FN1: variants seen among roughly 807,000 people sequenced by gnomAD.
FN1 encodes the protein fibronectin.
FN1 carries 106 observed loss-of-function variants against 297.3 expected under a neutral mutation model. The ratio of observed to expected loss-of-function variants is 0.36; its 90% CI spans 0.30 to 0.42. The LOEUF (loss-of-function observed/expected upper bound fraction) is 0.42. FN1 is among the 10% of genes least tolerant of loss of function. The probability of loss-of-function intolerance (pLI) is 1.00; values close to 1 mark genes in which losing one functional copy is unlikely to be tolerated. For synonymous variants in FN1, 1,149 were observed against 1,152.6 expected (o/e 1.00, Z 0.06); for missense variants, 2,690 against 3,124.9 (o/e 0.86, Z 3.32).
rs1187772144 is a variant in FN1 at position 215,375,264 on chromosome 2, C to T, written c.6107G>A (p.Arg2036Lys). 1 of 1,614,182 alleles carries T rather than the reference C, an allele frequency of 6.2e-7. No individual in the cohort carries two copies. ...AGGGCGGGGCCGAGGGACCACTTCT[C>T]TGGGAGGAGACCCAGGCTTCTCATA... ...IKYEKPGSPPREVVPRPRPGV... is the reference protein window; with the variant it reads ...IKYEKPGSPPKEVVPRPRPGV... The change falls in exon 38 of 46, where the codon AGA (arginine) becomes AAA (lysine). Residue 2036 changes from arginine to lysine, a missense_variant. By Grantham distance (26) the Arg-to-Lys change is conservative. Coordinates refer to ENST00000354785, the MANE Select transcript of FN1 (RefSeq NM_212482.4).
At position 215,392,965 on chromosome 2, in the gene FN1, G is replaced by A. The variant is rs760128957; in HGVS notation, c.4035C>T (p.Gly1345=). ...DISVITLING[G]ESAPTTLTQQ... ...GTGTCAGTGTAGTAGGGGCACTCTC[G>A]CCGCCATTAATGAGAGTGATAACGC... The change falls in exon 25 of 46, where the codon GGC becomes GGT. Residue 1345 remains glycine (G), a synonymous_variant. Coordinates refer to ENST00000354785, the MANE Select transcript of FN1 (RefSeq NM_212482.4). 1.1e-5 allele frequency: 17 copies of A among 1,612,872 alleles called. No individual in the cohort carries two copies. The highest frequency in any genetic ancestry group is 4.5e-5 in the East Asian group (2 of 44,884).
chr2:215,435,971 G>C lies in FN1; in HGVS notation c.-169C>G. ...AGGGGACGGGTGGAGGGACAGAAGG[G>C]ATGCAGAGGACCAGAGAAGTTGTGG... On this transcript the variant is annotated 5_prime_UTR_variant, in exon 1 of 46. The change creates a new upstream start codon in the 5' untranslated region. Coordinates refer to ENST00000354785, the MANE Select transcript of FN1 (RefSeq NM_212482.4). The C allele has an allele frequency of 1.4e-6, 2 of 1,381,472 alleles. No individual in the cohort carries two copies. The highest frequency in any genetic ancestry group is 1.9e-6 in the Non-Finnish European group (2 of 1,051,122). 85.6% of individuals were successfully genotyped at this position (1,381,472 alleles called of 1,614,324 possible). A position where few individuals can be genotyped will look rare whatever the true frequency, so the allele number is the denominator to read the frequency against.
chr2:215,387,006 C>T (rs976413771), intron 27 of FN1, 48 bp from the exon 28 acceptor site: 2 of 1,545,468 alleles, frequency 1.3e-6, no homozygotes. Flanking sequence ...AGAAAAGACA[C>T]CACCAGTTTA....
At chr2:215,419,850 C>G (rs2063971444) in intron 11 of FN1, among the ~76,000 whole-genome samples, 1 of 152,192 alleles carries the variant, frequency 6.6e-6, no homozygotes, top group East Asian at 1.9e-4. Context: ...TGAGCAGCTT[C>G]TAAGAAAACC....
intron 5 of FN1, 81 bp downstream of exon 5, chr2:215,430,634 G>T: frequency 6.6e-7 from 1 of 1,519,740 alleles, no homozygotes; most frequent in Non-Finnish European, 9.1e-7. Flanking sequence ...TGTGTTCTGA[G>T]TAACATAGTA....
rs1253945360 is a variant in FN1 at position 215,372,339 on chromosome 2, T to C, written c.6284A>G (p.Asn2095Ser). 5.0e-6 allele frequency: 8 copies of C among 1,613,998 alleles called. No individual in the cohort carries two copies. Among genetic ancestry groups the C allele is most frequent in the Admixed American group, 1.7e-5 (1 of 59,998 alleles). Residue 2095 changes from asparagine (N) to serine (S), a missense_variant, in exon 40 of 46, where the codon AAT (asparagine) becomes AGT (serine). Around this residue, in one of 3 missense-constraint regions of FN1, gnomAD observed 1,743 missense variants for 1,945.2 expected, o/e 0.90. Transcript: ENST00000354785. ...LPQLVTLPHP[N>S]LHGPEILDVP... ...ATCCAAGATCTCTGGTCCATGAAGA[T>C]TGGGGTGTGGAAGGGTTACCAGTTG...
Position 215,364,658 on chromosome 2 carries a change from A to T in FN1, c.7251+221T>A, listed in dbSNP as rs1575169391. 6.7e-6 allele frequency: 4 copies of T among 594,444 alleles called. No homozygotes were observed. In the East Asian group the frequency reaches 1.1e-4, roughly 17 times the overall value. 36.8% of individuals were successfully genotyped at this position (594,444 alleles called of 1,614,324 possible). On this transcript the variant is annotated intron_variant, in intron 44 of 45. Coordinates refer to ENST00000354785, the MANE Select transcript of FN1 (RefSeq NM_212482.4). ...GTTTTTGGTACTCTACATGCCATTC[A>T]TTCATTCTTTCTACTAAGAGTAATA...
At chr2:215,401,198 AAAAGAAAGAAAG>A (rs1168414564) in intron 20 of FN1, among the ~76,000 whole-genome samples, 6 of 86,822 alleles carry the variant, frequency 6.9e-5, no homozygotes, top group South Asian at 4.1e-4. Context: ...AGAAAGAAAG[AAAAGAAAGAAAG>A]AAAGAAAGAA....
At chr2:215,373,883 C>A (rs1438088505) in intron 38 of FN1, among the ~76,000 whole-genome samples, 1 of 151,878 alleles carries the variant, frequency 6.6e-6, no homozygotes, top group South Asian at 2.1e-4. Context: ...GGGGTTTCAC[C>A]GTGTTAGCCA....
Position 215,428,262 on chromosome 2 carries a change from G to A in FN1, c.762C>T (p.Asn254=), listed in dbSNP as rs1321250331. The A allele has an allele frequency of 2.5e-6, 4 of 1,614,076 alleles. No homozygotes were observed. The highest frequency in any genetic ancestry group is 3.3e-5 in the Admixed American group (2 of 60,012). The change falls in exon 6 of 46, where the codon AAC becomes AAT. Residue 254 remains asparagine, a synonymous_variant. Coordinates refer to ENST00000354785, the MANE Select transcript of FN1 (RefSeq NM_212482.4). ...DTWSKKDNRG[N]LLQCICTGNG... ...TGCCTGTGCAGATGCACTGGAGCAG[G>A]TTTCCTCGATTATCCTTCTTGCTCC...
At chr2:215,419,895 G>A (rs776514565) in intron 11 of FN1, among the ~76,000 whole-genome samples, 16 of 152,234 alleles carry the variant, frequency 1.1e-4, no homozygotes, top group East Asian at 3.9e-4. Flanking sequence ...GTAATCTCAC[G>A]TCAAACAAAC....
At chr2:215,389,468 T>G (rs1168266402) in intron 26 of FN1, among the ~76,000 whole-genome samples, 1 of 152,088 alleles carries the variant, frequency 6.6e-6, no homozygotes, top group Non-Finnish European at 1.5e-5. Flanking sequence ...GATAAGTGTG[T>G]GATTTGGTGA....
intron 42 of FN1, 108 bp from the exon 43 acceptor site, chr2:215,365,738 A>G: frequency 1.1e-6 from 1 of 941,062 alleles, no homozygotes. Flanking sequence ...CATGATCTGG[A>G]AAAATAGCAA....
intron 6 of FN1, among the ~76,000 whole-genome samples, chr2:215,426,136 CTTTTT>C: frequency 8.6e-6 from 1 of 116,690 alleles, no homozygotes; most frequent in Non-Finnish European, 1.7e-5. Flanking sequence ...TTGATCTTTT[CTTTTT>C]TCTTTTTTTT....
Position 215,397,194 on chromosome 2 carries a change from C to T in FN1, c.3547G>A (p.Glu1183Lys). 6.2e-7 allele frequency: 1 copy of T among 1,613,844 alleles called. No individual in the cohort carries two copies. The highest frequency in any genetic ancestry group is 1.1e-5 in the South Asian group (1 of 91,070). ...AGCACTCCAGTGTCAGGGTTTGCCT[C>T]CAGATGCAAGTTTGTTGGTGGAGAC... ...PLSPPTNLHL[E>K]ANPDTGVLTV... is the part of the protein sequence containing the mutation. Residue 1183 changes from glutamate (E) to lysine (K), a missense_variant, in exon 23 of 46, where the codon GAG becomes AAG. Glu to Lys is a moderately conservative substitution (Grantham distance 56). Coordinates refer to ENST00000354785, the MANE Select transcript of FN1 (RefSeq NM_212482.4).
chr2:215,428,396 C>G, intron 5 of FN1, 58 bp from the exon 6 acceptor site: 1 of 1,521,246 alleles, frequency 6.6e-7, no homozygotes, highest in Non-Finnish European at 9.1e-7. Context: ...GTGGTCAATT[C>G]AAACTTAAAA....
chr2:215,426,608 C>A (rs1350993915), intron 6 of FN1, among the ~76,000 whole-genome samples: 1 of 152,088 alleles, frequency 6.6e-6, no homozygotes, highest in Non-Finnish European at 1.5e-5. Context: ...CAAAGAATCC[C>A]AAGGTCAAAC....
In FN1 at chr2:215,431,878, C is replaced by T. The variant is rs150238159; in HGVS notation, c.502G>A (p.Val168Met). The T allele has an allele frequency of 7.1e-5, 114 of 1,614,038 alleles. No homozygotes were observed. Among genetic ancestry groups the T allele is most frequent in the Admixed American group, 3.3e-5 (2 of 60,008 alleles). The change falls in exon 4 of 46, where the codon GTG becomes ATG. Residue 168 changes from valine to methionine, a missense_variant. By Grantham distance (21) the Val-to-Met change is conservative. Coordinates refer to ENST00000354785, the MANE Select transcript of FN1 (RefSeq NM_212482.4). ...TCTCCTTTTCCATTACCAAGACACA[C>T]ACACTCTAACATGTAACCACCAGTC... is the stretch of plus-strand genomic sequence containing the variant. ...HETGGYMLEC[V>M]CLGNGKGEWT... is the part of the protein sequence containing the mutation.
intron 42 of FN1, among the ~76,000 whole-genome samples, chr2:215,366,322 C>A (rs1575186706): frequency 1.3e-5 from 2 of 151,926 alleles, no homozygotes; most frequent in South Asian, 2.1e-4. Context: ...GGAATAGATC[C>A]TAGATGAAAA....
Sources: allele counts gnomAD v4.1 joint callset (sites outside exome capture counted in the v4.1 genomes callset), GRCh38; gene constraint gnomAD v4.1.1; regional missense constraint gnomAD v4.1.1; transcripts MANE v1.5; gene names NCBI Gene and HGNC (gene_info 2026-07-23, HGNC 2026-07-21).